C6orf89: variants seen among roughly 807,000 people sequenced by gnomAD.
The protein encoded by C6orf89 is bombesin receptor-activated protein C6orf89.
Under a neutral mutation model 40.7 loss-of-function variants are expected in C6orf89, and 29 were observed. The observed-to-expected ratio is 0.71, with a 90% CI of 0.53 to 0.97. The LOEUF is 0.97. C6orf89 is among the 50% of genes least tolerant of loss of function. The pLI, the probability that C6orf89 is intolerant of heterozygous loss-of-function variation, is 0.00. For synonymous variants in C6orf89, 165 were observed against 152.2 expected, an observed-to-expected ratio of 1.08 and a Z score of -0.62; for missense variants, 392 against 429.1, an observed-to-expected ratio of 0.91 and a Z score of 0.76.
chr6:36,906,860 T>A (rs915243326), intron 4 of C6orf89, among the ~76,000 whole-genome samples: 54 of 152,242 alleles, frequency 3.5e-4, no homozygotes, highest in African/African-American at 1.3e-3. Context: ...GGGAACTTTG[T>A]CATGGGCTTT....
chr6:36,874,597 G>C, intron 1 of C6orf89: 3 of 1,353,322 alleles, frequency 2.2e-6, no homozygotes, highest in Middle Eastern at 5.1e-4. Flanking sequence ...CTCGGCCGCT[G>C]CTCCACGCCC....
At chr6:36,923,196 A>G (rs1436811346) in intron 8 of C6orf89, 151 bp from the exon 9 acceptor site, 4 of 599,854 alleles carry the variant, frequency 6.7e-6, no homozygotes, top group Non-Finnish European at 1.2e-5. Flanking sequence ...GAAAAAGAAA[A>G]AAAAGGAAAC....
At chr6:36,904,959 C>CT (rs1331234871) in intron 4 of C6orf89, among the ~76,000 whole-genome samples, 1 of 152,106 alleles carries the variant, frequency 6.6e-6, no homozygotes, top group African/African-American at 2.4e-5. Flanking sequence ...AGGTGGGGTT[C>CT]TTTTTCTAGA....
upstream of C6orf89, among the ~76,000 whole-genome samples, chr6:36,885,357 A>G (rs1026662292): frequency 6.6e-6 from 1 of 152,170 alleles, no homozygotes; most frequent in Non-Finnish European, 1.5e-5. Context: ...TTTTTTATCT[A>G]TAAATTTGTT....
chr6:36,886,879 A>G (rs554007789), intron 1 of C6orf89, among the ~76,000 whole-genome samples: 1 of 152,318 alleles, frequency 6.6e-6, no homozygotes, highest in African/African-American at 2.4e-5. Flanking sequence ...TAACTAATAA[A>G]TTCAATTCTG....
chr6:36,927,569 A>G lies in C6orf89; in HGVS notation c.*4128A>G, dbSNP rs547393768. 2.6e-5 allele frequency: 4 copies of G among 152,342 alleles called. No individual in the cohort carries two copies. Among genetic ancestry groups the G allele is most frequent in the African/African-American group, 9.6e-5 (4 of 41,570 alleles). The allele number at this position is 152,342 out of a possible 1,614,324, so 9.4% of individuals were successfully genotyped here. A position where few individuals can be genotyped will look rare whatever the true frequency, so the allele number is the denominator to read the frequency against. On this transcript the variant is annotated 3_prime_UTR_variant, in exon 9 of 9. Coordinates refer to ENST00000480824, the MANE Select transcript of C6orf89 (RefSeq NM_001286635.2). ...AAGGAAAAGCTCTCTTGAGTATACA[A>G]GTTCCACACTCATTACCTTTCAGTG...
At chr6:36,905,735 G>A (rs1761903489) in intron 4 of C6orf89, among the ~76,000 whole-genome samples, 1 of 152,044 alleles carries the variant, frequency 6.6e-6, no homozygotes, top group Non-Finnish European at 1.5e-5. Flanking sequence ...ACTCCTGCCG[G>A]CCATCCCCTT....
chr6:36,910,387 T>G (rs1459044937), intron 4 of C6orf89, among the ~76,000 whole-genome samples: 2 of 152,216 alleles, frequency 1.3e-5, no homozygotes, highest in Non-Finnish European at 2.9e-5. Context: ...TTGTCCCAAT[T>G]TGATTTATTG....
At chr6:36,889,424 G>A (rs1297984930) in intron 1 of C6orf89, among the ~76,000 whole-genome samples, 1 of 152,138 alleles carries the variant, frequency 6.6e-6, no homozygotes, top group African/African-American at 2.4e-5. Context: ...CTGAAGGGAG[G>A]GAGGGAGAGA....
In C6orf89 at chr6:36,916,729, G is replaced by T. The variant is rs150515659; in HGVS notation, c.825+155G>T. Among the ~76,000 whole-genome samples, 147 of 152,286 alleles carry T rather than the reference G, an allele frequency of 9.7e-4. 2 individuals carry two copies. The highest frequency in any genetic ancestry group is 3.4e-3 in the Middle Eastern group (1 of 294). On this transcript the variant is annotated intron_variant, in intron 7 of 8. Coordinates refer to ENST00000480824, the MANE Select transcript of C6orf89 (RefSeq NM_001286635.2). ...GTCTAGTTCTCCCCTCCTGCTGCTAGCCAGGAGACTTGCAGGGGCCCACCT... is the reference window on the plus strand; with the variant it reads ...GTCTAGTTCTCCCCTCCTGCTGCTATCCAGGAGACTTGCAGGGGCCCACCT...
intron 6 of C6orf89, among the ~76,000 whole-genome samples, chr6:36,916,103 C>G (rs1762306045): frequency 6.6e-6 from 1 of 152,128 alleles, no homozygotes; most frequent in African/African-American, 2.4e-5. Flanking sequence ...CTTCTCTCTT[C>G]TCCCCTTCCC....
At chr6:36,901,312 A>ATTTTTTTTTTTT (rs1554136270) in intron 3 of C6orf89, among the ~76,000 whole-genome samples, 3 of 64,658 alleles carry the variant, frequency 4.6e-5, no homozygotes, top group African/African-American at 6.6e-5. Flanking sequence ...TATTATTATT[A>ATTTTTTTTTTTT]TTATTATTAT....
At chr6:36,885,907 T>G, upstream of C6orf89, 1 of 662,112 alleles carries the variant, frequency 1.5e-6, no homozygotes, top group Non-Finnish European at 1.9e-6. Flanking sequence ...GTACAAGGCC[T>G]CGCCCAGGAG....
chr6:36,881,285 G>A (rs897726674), upstream of C6orf89, among the ~76,000 whole-genome samples: 24 of 152,192 alleles, frequency 1.6e-4, no homozygotes, highest in African/African-American at 5.8e-4. Context: ...AGAAAATACA[G>A]GAATGTAAAT....
At position 36,925,145 on chromosome 6, in the gene C6orf89, G is replaced by A. The variant is rs1011988510; in HGVS notation, c.*1704G>A. On this transcript the variant is annotated 3_prime_UTR_variant, in exon 9 of 9. Coordinates refer to ENST00000480824, the MANE Select transcript of C6orf89 (RefSeq NM_001286635.2). ...CGTATGAAAGTCATGTTGTTAAGCAGTTATGATTTAAGAGGTTTTAAGTCA... is the reference window on the plus strand; with the variant it reads ...CGTATGAAAGTCATGTTGTTAAGCAATTATGATTTAAGAGGTTTTAAGTCA... The A allele has an allele frequency of 2.0e-5, 3 of 152,292 alleles. No homozygotes were observed. Among genetic ancestry groups the A allele is most frequent in the East Asian group, 3.9e-4 (2 of 5,182 alleles). 9.4% of individuals were successfully genotyped at this position (152,292 alleles called of 1,614,324 possible).
intron 8 of C6orf89, 75 bp downstream of exon 8, chr6:36,919,776 A>G (rs1762452295): frequency 6.9e-7 from 1 of 1,450,954 alleles, no homozygotes. Flanking sequence ...TAAGAATCAC[A>G]TACTGCCTTC....
At chr6:36,895,725 C>T (rs1207015485) in intron 2 of C6orf89, among the ~76,000 whole-genome samples, 1 of 152,140 alleles carries the variant, frequency 6.6e-6, no homozygotes, top group Non-Finnish European at 1.5e-5. Context: ...ATGGCTCTAC[C>T]ACATTGTGAT....
chr6:36,872,985 T>C (rs1774549972), intron 1 of C6orf89, among the ~76,000 whole-genome samples: 1 of 152,230 alleles, frequency 6.6e-6, no homozygotes, highest in East Asian at 1.9e-4. Context: ...TATAAGTATA[T>C]GAGGAGTGTG....
At chr6:36,917,670 G>GAAGTTCTGT (rs1304164367) in intron 7 of C6orf89, among the ~76,000 whole-genome samples, 17 of 152,148 alleles carry the variant, frequency 1.1e-4, no homozygotes, top group African/African-American at 4.1e-4. Flanking sequence ...CTAGAAGTAA[G>GAAGTTCTGT]AAGTTCTGTC....
Sources: allele counts gnomAD v4.1 joint callset (sites outside exome capture counted in the v4.1 genomes callset), GRCh38; gene constraint gnomAD v4.1.1; transcripts MANE v1.5; gene names NCBI Gene and HGNC (gene_info 2026-07-23, HGNC 2026-07-21).